SHISA6: variants seen among roughly 807,000 people sequenced by gnomAD.
SHISA6 encodes the protein shisa family member 6, also known as protein shisa-6.
SHISA6 carries 22 observed loss-of-function variants against 47.9 expected under a neutral mutation model. The observed-to-expected ratio is 0.46, with a 90% CI of 0.33 to 0.66. The LOEUF (loss-of-function observed/expected upper bound fraction) is 0.66, where lower values mean the gene tolerates loss of function less well. Among genes scored for constraint, SHISA6 ranks in the 30% least tolerant of loss-of-function variants. SHISA6 has a pLI of 0.02. For missense variants in SHISA6, 680 were observed against 764.6 expected (o/e 0.89, Z 1.30); for synonymous variants, 388 against 337.8 (o/e 1.15, Z -1.63).
intron 3 of SHISA6, among the ~76,000 whole-genome samples, chr17:11,478,922 A>G (rs533450442): frequency 3.0e-4 from 45 of 151,492 alleles, no homozygotes; most frequent in Admixed American, 2.4e-3. Flanking sequence ...TTGGTTCCAT[A>G]TGAACTTTAA....
At chr17:11,374,411 C>T (rs2142240399) in intron 2 of SHISA6, among the ~76,000 whole-genome samples, 1 of 152,104 alleles carries the variant, frequency 6.6e-6, no homozygotes, top group South Asian at 2.1e-4. Flanking sequence ...AATTCTTACT[C>T]TGAGATCATT....
intron 2 of SHISA6, among the ~76,000 whole-genome samples, chr17:11,351,459 C>A (rs1911888438): frequency 6.6e-6 from 1 of 152,120 alleles, no homozygotes; most frequent in Non-Finnish European, 1.5e-5. Flanking sequence ...ATCAAAGTAC[C>A]TACCTAGTAA....
At chr17:11,424,693 C>T (rs1178247248) in intron 3 of SHISA6, among the ~76,000 whole-genome samples, 1 of 148,742 alleles carries the variant, frequency 6.7e-6, no homozygotes, top group African/African-American at 2.5e-5. Context: ...ACTGAAATGT[C>T]TTATCTTTTT....
At chr17:11,393,588 G>C (rs1031551125) in intron 3 of SHISA6, among the ~76,000 whole-genome samples, 1 of 152,034 alleles carries the variant, frequency 6.6e-6, no homozygotes, top group Non-Finnish European at 1.5e-5. Context: ...TATTACTTAG[G>C]TTATTTATTT....
At chr17:11,446,102 A>G (rs958546777) in intron 3 of SHISA6, among the ~76,000 whole-genome samples, 6 of 152,332 alleles carry the variant, frequency 3.9e-5, no homozygotes, top group African/African-American at 1.2e-4. Context: ...CTGGGATTAC[A>G]GGCTTGAGCC....
intron 4 of SHISA6, among the ~76,000 whole-genome samples, chr17:11,554,104 T>C (rs1200545076): frequency 2.0e-5 from 3 of 152,168 alleles, no homozygotes; most frequent in African/African-American, 7.2e-5. Flanking sequence ...GAGAGTATAA[T>C]GCCAACAGGC....
At chr17:11,378,140 G>A (rs75910375) in intron 2 of SHISA6, among the ~76,000 whole-genome samples, 7,362 of 152,152 alleles carry the variant, frequency 0.048, 315 homozygotes, top group African/African-American at 0.098. Flanking sequence ...GCTTTGTGTT[G>A]TCTTTGTATT....
intron 3 of SHISA6, among the ~76,000 whole-genome samples, chr17:11,466,300 G>T (rs1049710528): frequency 1.3e-5 from 2 of 152,166 alleles, no homozygotes; most frequent in Non-Finnish European, 2.9e-5. Flanking sequence ...ACTGACAGCT[G>T]CCCATCCATG....
intron 3 of SHISA6, among the ~76,000 whole-genome samples, chr17:11,417,413 C>T (rs1384168820): frequency 6.6e-6 from 1 of 152,192 alleles, no homozygotes; most frequent in Non-Finnish European, 1.5e-5. Flanking sequence ...TCCTCACTGG[C>T]AATGCACCCT....
intron 2 of SHISA6, among the ~76,000 whole-genome samples, chr17:11,320,782 A>T (rs889619126): frequency 6.6e-6 from 1 of 152,220 alleles, no homozygotes; most frequent in African/African-American, 2.4e-5. Flanking sequence ...TTTAGAGCCT[A>T]CATCCTTTTC....
At chr17:11,361,578 A>G (rs1428842209) in intron 2 of SHISA6, among the ~76,000 whole-genome samples, 2 of 152,194 alleles carry the variant, frequency 1.3e-5, no homozygotes, top group East Asian at 3.9e-4. Context: ...ATTGACTTGG[A>G]GGCAAAAGCA....
intron 2 of SHISA6, among the ~76,000 whole-genome samples, chr17:11,321,958 G>A (rs1025364065): frequency 1.3e-5 from 2 of 152,038 alleles, no homozygotes; most frequent in South Asian, 2.1e-4. Context: ...TTGTGGCCCA[G>A]GAAAGCCAAA....
chr17:11,263,185 CTT>C (rs1908300646), intron 1 of SHISA6, among the ~76,000 whole-genome samples, 179 bp from the exon 2 acceptor site: 2 of 152,042 alleles, frequency 1.3e-5, no homozygotes, highest in African/African-American at 4.8e-5. Context: ...GCATGGTAAC[CTT>C]TACCCTGTGT....
chr17:11,534,157 CTT>C (rs373384700), intron 3 of SHISA6, among the ~76,000 whole-genome samples: 4 of 93,192 alleles, frequency 4.3e-5, no homozygotes, highest in South Asian at 4.0e-4. Flanking sequence ...TCTTTTTTTT[CTT>C]TTTTTTTTTT....
At chr17:11,417,562 A>G (rs567813225) in intron 3 of SHISA6, among the ~76,000 whole-genome samples, 1 of 152,294 alleles carries the variant, frequency 6.6e-6, no homozygotes, top group South Asian at 2.1e-4. Context: ...TAGAGATGTA[A>G]TCTTCACTTG....
At chr17:11,466,862 T>C (rs1915822174) in intron 3 of SHISA6, among the ~76,000 whole-genome samples, 1 of 152,152 alleles carries the variant, frequency 6.6e-6, no homozygotes, top group Non-Finnish European at 1.5e-5. Context: ...ATCCTGGCCC[T>C]CCTCCATTCG....
intron 2 of SHISA6, among the ~76,000 whole-genome samples, chr17:11,278,537 A>G (rs765732031): frequency 5.3e-5 from 8 of 152,218 alleles, no homozygotes; most frequent in Non-Finnish European, 1.2e-4. Flanking sequence ...TAACTAGAAC[A>G]TTTGTGAAAG....
chr17:11,338,095 A>G (rs1911385503), intron 2 of SHISA6, among the ~76,000 whole-genome samples: 1 of 151,630 alleles, frequency 6.6e-6, no homozygotes. Context: ...ACACATTGTC[A>G]GGGGAGAATC....
intron 3 of SHISA6, among the ~76,000 whole-genome samples, chr17:11,429,884 T>A (rs1281816479): frequency 6.6e-6 from 1 of 152,030 alleles, no homozygotes; most frequent in Admixed American, 6.6e-5. Flanking sequence ...CAATAAACTT[T>A]AAACTTTATC....
Sources: gnomAD v4.1 joint callset for allele counts (sites outside exome capture counted in the v4.1 genomes callset) on GRCh38, gnomAD v4.1.1 for gene constraint, MANE v1.5 for transcripts, NCBI Gene and HGNC (gene_info 2026-07-23, HGNC 2026-07-21) for gene names.